Variants in INVS observed in about 807,000 individuals in gnomAD.
The protein encoded by INVS is inversin.
INVS carries 86 observed loss-of-function variants against 108.8 expected under a neutral mutation model. That is an observed-to-expected ratio of 0.79 (90% CI 0.66 to 0.95). The LOEUF is 0.95. Among genes scored for constraint, INVS ranks in the 40% least tolerant of loss-of-function variants. INVS has a pLI of 0.00. For synonymous variants in INVS, 455 were observed against 473.5 expected (o/e 0.96, Z 0.51); for missense variants, 1,169 against 1,297.4 (o/e 0.90, Z 1.52).
At chr9:100,171,228 G>T (rs1024632935) in intron 3 of INVS, among the ~76,000 whole-genome samples, 2 of 152,110 alleles carry the variant, frequency 1.3e-5, no homozygotes, top group Admixed American at 1.3e-4. Context: ...ATCTTTCATA[G>T]AATATTTTTA....
At chr9:100,139,397 GA>G (rs2118941103) in intron 3 of INVS, among the ~76,000 whole-genome samples, 1 of 152,096 alleles carries the variant, frequency 6.6e-6, no homozygotes, top group Non-Finnish European at 1.5e-5. Context: ...CTACCTTTCA[GA>G]GGTCTCATCT....
At chr9:100,175,233 G>C (rs1829671777) in intron 3 of INVS, 1 of 601,828 alleles carries the variant, frequency 1.7e-6, no homozygotes, top group African/African-American at 1.9e-5. Context: ...GCATCCAACT[G>C]TAAAGACTCT....
intron 3 of INVS, among the ~76,000 whole-genome samples, chr9:100,215,965 G>C (rs1162684015): frequency 6.6e-6 from 1 of 152,128 alleles, no homozygotes; most frequent in African/African-American, 2.4e-5. Context: ...TATTGTGGTG[G>C]GTTCATTGCC....
chr9:100,129,546 A>C, intron 3 of INVS: 1 of 469,848 alleles, frequency 2.1e-6, no homozygotes, highest in Non-Finnish European at 3.9e-6. Context: ...AGGAATCAGA[A>C]AAATAAGAAA....
At chr9:100,288,654 C>T (rs542474794) in intron 13 of INVS, among the ~76,000 whole-genome samples, 1 of 151,612 alleles carries the variant, frequency 6.6e-6, no homozygotes, top group East Asian at 1.9e-4. Context: ...AGGGTCTCAC[C>T]CTGTCACCCA....
In INVS at chr9:100,246,720, C is replaced by T. The variant is rs1172701437; in HGVS notation, c.1011C>T (p.Val337=). 1.2e-6 allele frequency: 2 copies of T among 1,613,960 alleles called. No individual in the cohort carries two copies. Among genetic ancestry groups the T allele is most frequent in the Non-Finnish European group, 1.7e-6 (2 of 1,179,884 alleles). ...MWAAGKGSDD[V]LRTMLSLKSD... Reference sequence around the variant, plus strand: ...CAGCTGGCAAAGGCAGTGATGATGTCCTTAGAACTATGCTGAGCTTAAAAT... The same window carrying T: ...CAGCTGGCAAAGGCAGTGATGATGTTCTTAGAACTATGCTGAGCTTAAAAT... The change falls in exon 8 of 17, where the codon GTC becomes GTT. Residue 337 remains valine (V), a synonymous_variant. Transcript: ENST00000262457.
rs10989027 is a variant in INVS at position 100,242,264 on chromosome 9, T to C, written c.797-306T>C. On this transcript the variant is annotated intron_variant, in intron 6 of 16. Transcript: ENST00000262457. ...TCCCCTCCTTTGCTTTAGGCAGCTT[T>C]ATAAAGTGAAGCCAGGAAATGCAAT... Among the ~76,000 whole-genome samples, 26,097 of 152,130 alleles carry C rather than the reference T, an allele frequency of 0.17. 3,341 individuals carry two copies. The highest frequency in any genetic ancestry group is 0.36 in the African/African-American group (15,124 of 41,448).
In INVS at chr9:100,126,707, TA is replaced by T. The variant is rs1827895464; in HGVS notation, c.273+162del. On this transcript the variant is annotated intron_variant, in intron 3 of 16. Transcript: ENST00000262457. ...AAAGCTGTCTTTAAGCTGCAGAGAGTAAAAGCACAGATAACTATCAGCGGCT... is the reference window on the plus strand; with the variant it reads ...AAAGCTGTCTTTAAGCTGCAGAGAGTAAAGCACAGATAACTATCAGCGGCT... 1.3e-5 allele frequency among the ~76,000 whole-genome samples: 2 copies of T among 152,098 alleles called. 1 individual carries two copies. The highest frequency in any genetic ancestry group is 4.1e-4 in the South Asian group (2 of 4,824).
intron 3 of INVS, among the ~76,000 whole-genome samples, chr9:100,138,562 G>C (rs962910146): frequency 4.6e-5 from 7 of 151,788 alleles, no homozygotes; most frequent in Admixed American, 1.3e-4. Flanking sequence ...ACCCTTTCCG[G>C]CTCTGTCATT....
At chr9:100,154,208 G>C (rs1828894197) in intron 3 of INVS, among the ~76,000 whole-genome samples, 1 of 152,054 alleles carries the variant, frequency 6.6e-6, no homozygotes, top group African/African-American at 2.4e-5. Flanking sequence ...CTGTTACCCA[G>C]ACTGGAGTGC....
chr9:100,148,294 A>G (rs1247248694), intron 3 of INVS, among the ~76,000 whole-genome samples: 3 of 152,242 alleles, frequency 2.0e-5, no homozygotes, highest in African/African-American at 7.2e-5. Flanking sequence ...GATGCAGACT[A>G]GAGCAGAAGT....
chr9:100,293,418 C>T (rs1564194070), intron 14 of INVS, among the ~76,000 whole-genome samples: 2 of 152,190 alleles, frequency 1.3e-5, no homozygotes, highest in African/African-American at 4.8e-5. Context: ...AATTGTTGCA[C>T]ATGTCCTGTT....
intron 3 of INVS, chr9:100,175,768 C>A: frequency 1.6e-6 from 1 of 633,492 alleles, no homozygotes. Context: ...GGCAACCAGA[C>A]CTGGAACATC....
chr9:100,300,502 A>T, intron 16 of INVS, 66 bp from the exon 17 acceptor site: 11 of 1,113,066 alleles, frequency 9.9e-6, no homozygotes. Context: ...CTCAACACCA[A>T]TGAACTATTC....
chr9:100,101,024 AT>A (rs1826968373), intron 1 of INVS, among the ~76,000 whole-genome samples: 1 of 92,730 alleles, frequency 1.1e-5, no homozygotes, highest in Admixed American at 1.8e-4. Flanking sequence ...ATGTATATAT[AT>A]TATATATATT....
chr9:100,207,438 C>T (rs1830707685), intron 3 of INVS, among the ~76,000 whole-genome samples: 1 of 151,988 alleles, frequency 6.6e-6, no homozygotes, highest in Non-Finnish European at 1.5e-5. Flanking sequence ...GGAATACAGG[C>T]GTGCACCACC....
chr9:100,258,596 G>C (rs993381289), intron 10 of INVS, among the ~76,000 whole-genome samples: 6 of 152,130 alleles, frequency 3.9e-5, no homozygotes, highest in African/African-American at 1.4e-4. Flanking sequence ...ATGGGATTTT[G>C]GTGTGGATGT....
chr9:100,257,516 A>C (rs1004359625), intron 10 of INVS, among the ~76,000 whole-genome samples: 1 of 152,108 alleles, frequency 6.6e-6, no homozygotes, highest in Non-Finnish European at 1.5e-5. Context: ...TGGTCTTTAC[A>C]ATTTGGCATG....
chr9:100,131,630 C>A (rs552971354), intron 3 of INVS, among the ~76,000 whole-genome samples: 1 of 152,102 alleles, frequency 6.6e-6, no homozygotes, highest in African/African-American at 2.4e-5. Flanking sequence ...TCTACTGATA[C>A]ATTTGTTAAT....
Sources: allele counts gnomAD v4.1 joint callset (sites outside exome capture counted in the v4.1 genomes callset), GRCh38; gene constraint gnomAD v4.1.1; transcripts MANE v1.5; gene names NCBI Gene and HGNC (gene_info 2026-07-23, HGNC 2026-07-21).